Variants in ZFR2 observed in about 807,000 individuals in gnomAD.
ZFR2 encodes the protein zinc finger RNA-binding protein 2.
A neutral mutation model predicts 105.7 loss-of-function variants in ZFR2; 104 were observed. The ratio of observed to expected loss-of-function variants is 0.98; its 90% CI spans 0.84 to 1.16. The LOEUF is 1.16. ZFR2 is among the 50% of genes most tolerant of loss of function. ZFR2 has a pLI of 0.00. For synonymous variants in ZFR2, 634 were observed against 597.7 expected (o/e 1.06, Z -0.89); for missense variants, 1,425 against 1,355.5 (o/e 1.05, Z -0.80).
intron 6 of ZFR2, among the ~76,000 whole-genome samples, chr19:3,826,992 G>A (rs561856803): frequency 1.1e-3 from 162 of 152,034 alleles, no homozygotes; most frequent in Middle Eastern, 3.4e-3. Flanking sequence ...CTGTAATCCC[G>A]GCACTTTGGG....
In ZFR2 at chr19:3,813,362, G is replaced by T. The variant is rs1436242278; in HGVS notation, c.2242+458C>A. 6.6e-6 allele frequency among the ~76,000 whole-genome samples: 1 copy of T among 152,038 alleles called. No individual in the cohort carries two copies. The highest frequency in any genetic ancestry group is 1.5e-5 in the Non-Finnish European group (1 of 68,024). ...TCACCCACCCTCCCAGGCCTGGCAG[G>T]TCTGGCTTTAAGACCCCCGATTCCC... is the stretch of plus-strand genomic sequence containing the variant. On this transcript the variant is annotated intron_variant, in intron 14 of 18. Coordinates refer to ENST00000262961, the MANE Select transcript of ZFR2 (RefSeq NM_015174.2). This position sits in a 1 kb window ranked among gnomAD's most constrained non-coding sequence, Gnocchi z 4.4.
chr19:3,822,538 C>A (rs2055518700), intron 8 of ZFR2, among the ~76,000 whole-genome samples: 1 of 151,822 alleles, frequency 6.6e-6, no homozygotes. Flanking sequence ...AGACCCCCAT[C>A]TCTACAAAAA....
At chr19:3,864,282 G>T (rs140554408) in intron 1 of ZFR2, among the ~76,000 whole-genome samples, 90 of 152,232 alleles carry the variant, frequency 5.9e-4, no homozygotes, top group Non-Finnish European at 9.4e-4. Flanking sequence ...GGAAGCTGAG[G>T]GGGGAAGACT....
intron 1 of ZFR2, among the ~76,000 whole-genome samples, chr19:3,849,216 C>G (rs775480413): frequency 5.3e-5 from 8 of 152,196 alleles, no homozygotes; most frequent in Admixed American, 1.3e-4. Flanking sequence ...GAAGGCTGAG[C>G]AGAGTCCTTC....
intron 13 of ZFR2, among the ~76,000 whole-genome samples, chr19:3,815,160 G>C (rs554116181): frequency 1.1e-4 from 17 of 152,226 alleles, no homozygotes; most frequent in African/African-American, 4.1e-4. Context: ...CACTATCTCT[G>C]CTCACTGCAA....
intron 1 of ZFR2, among the ~76,000 whole-genome samples, chr19:3,843,849 A>G (rs1389548020): frequency 1.3e-5 from 2 of 151,166 alleles, no homozygotes; most frequent in Non-Finnish European, 3.0e-5. Context: ...AACAAAAAAG[A>G]AAGAAAGAAA....
chr19:3,821,186 C>T (rs765590359), intron 10 of ZFR2, among the ~76,000 whole-genome samples, 154 bp downstream of exon 10: 3 of 152,146 alleles, frequency 2.0e-5, no homozygotes, highest in Non-Finnish European at 4.4e-5. Context: ...CGCTCCCACA[C>T]CAGGACGTGC....
intron 1 of ZFR2, among the ~76,000 whole-genome samples, chr19:3,844,015 G>GGC (rs1555757834): frequency 7.8e-6 from 1 of 128,868 alleles, no homozygotes; most frequent in Non-Finnish European, 1.6e-5. Flanking sequence ...GTAGGATGTG[G>GGC]GGGGGGGGGT....
chr19:3,811,714 C>T (rs1696846480), intron 14 of ZFR2, among the ~76,000 whole-genome samples: 2 of 151,942 alleles, frequency 1.3e-5, no homozygotes, highest in Admixed American at 1.3e-4. Flanking sequence ...CTCAGCCTCC[C>T]AAAGTGCTGG....
rs372903783 is a variant in ZFR2 at position 3,831,748 on chromosome 19, C to T, written c.510G>A (p.Thr170=). ...STLSSGYTYP[T]ATGVQPESSA... ...ACGACTCGGGCTGGACGCCTGTCGC[C>T]GTGGGGTAGGTGTATCCCGAGGACA... The change falls in exon 4 of 19, where the codon ACG becomes ACA. Residue 170 remains threonine, a synonymous_variant. Transcript: ENST00000262961. 43 of 1,607,324 alleles carry T rather than the reference C, an allele frequency of 2.7e-5. No individual in the cohort carries two copies. The highest frequency in any genetic ancestry group is 3.1e-5 in the Non-Finnish European group (36 of 1,177,272).
At chr19:3,806,431 T>G (rs902051186) in intron 18 of ZFR2, among the ~76,000 whole-genome samples, 3 of 152,138 alleles carry the variant, frequency 2.0e-5, no homozygotes, top group Admixed American at 2.0e-4. Flanking sequence ...CCCAGCTAAT[T>G]TTGTATTTTT....
intron 14 of ZFR2, among the ~76,000 whole-genome samples, chr19:3,812,565 C>T (rs1197759816): frequency 6.6e-6 from 1 of 152,066 alleles, no homozygotes. Flanking sequence ...CAGGAAAGAG[C>T]CACTGTCTAG....
rs573934209 is a variant in ZFR2 at position 3,818,636 on chromosome 19, C to G, written c.1931+409G>C. 2.0e-5 allele frequency among the ~76,000 whole-genome samples: 3 copies of G among 152,304 alleles called. No homozygotes were observed. In the South Asian group the frequency reaches 6.2e-4, roughly 32 times the overall value. On this transcript the variant is annotated intron_variant, in intron 12 of 18. Transcript: ENST00000262961. ...GAATCACAGGGGTTGGGAGCTGATTCACACGGGCACTCAGTGACATGAACT... is the reference window on the plus strand; with the variant it reads ...GAATCACAGGGGTTGGGAGCTGATTGACACGGGCACTCAGTGACATGAACT...
At chr19:3,855,232 A>G (rs1201688458) in intron 1 of ZFR2, among the ~76,000 whole-genome samples, 1 of 152,048 alleles carries the variant, frequency 6.6e-6, no homozygotes, top group African/African-American at 2.4e-5. Flanking sequence ...TTTTACTTCT[A>G]CTTTAAATCC....
chr19:3,812,671 T>C (rs966790031), intron 14 of ZFR2, among the ~76,000 whole-genome samples: 1 of 152,134 alleles, frequency 6.6e-6, no homozygotes, highest in African/African-American at 2.4e-5. Context: ...AAAGCCACTC[T>C]CTTCCCCACA....
At chr19:3,831,900 T>C (rs769139739) in intron 3 of ZFR2, 22 bp from the exon 4 acceptor site, 1 of 1,513,906 alleles carries the variant, frequency 6.6e-7, no homozygotes, top group South Asian at 1.3e-5. Context: ...GGACAGGCCC[T>C]CTGCAGAGCC....
rs920353644 is a variant in ZFR2 at position 3,827,543 on chromosome 19, G to T, written c.963C>A (p.Cys321Ter). 5 of 1,561,670 alleles carry T rather than the reference G, an allele frequency of 3.2e-6. No individual in the cohort carries two copies. The African/African-American group carries it at 6.8e-5, about 21-fold the overall frequency. The change falls in exon 6 of 19, where the codon TGC (cysteine) becomes TGA (stop). Residue 321 changes from cysteine to a stop codon, truncating the protein, a stop_gained. Transcript: ENST00000262961. LOFTEE classifies it high-confidence loss of function. ...SPRGVQAQLH[C>*]DLCAVSCTGA... Reference sequence around the variant, plus strand: ...CGGTGCAGGACACGGCGCACAGGTCGCAATGCAGCTGCGCCTGCACCCCGC... The same window carrying T: ...CGGTGCAGGACACGGCGCACAGGTCTCAATGCAGCTGCGCCTGCACCCCGC...
At chr19:3,816,528 G>C (rs1387694893) in intron 13 of ZFR2, 146 bp downstream of exon 13, 4 of 1,282,276 alleles carry the variant, frequency 3.1e-6, no homozygotes, top group Non-Finnish European at 4.1e-6. Flanking sequence ...TTACGGACGT[G>C]AGCCACTGCG....
In ZFR2 at chr19:3,858,390, C is replaced by G. The variant is rs2038332790; in HGVS notation, c.53+10575G>C. Among the ~76,000 whole-genome samples, 2 of 152,182 alleles carry G rather than the reference C, an allele frequency of 1.3e-5. No individual in the cohort carries two copies. The highest frequency in any genetic ancestry group is 1.3e-4 in the Admixed American group (2 of 15,270). ...GCATATAATGCTAATTTCTGCTGAA[C>G]ACTGCATTGAATAACTCAATGGGAA... is the stretch of plus-strand genomic sequence containing the variant. On this transcript the variant is annotated intron_variant, in intron 1 of 18. Coordinates refer to ENST00000262961, the MANE Select transcript of ZFR2 (RefSeq NM_015174.2). This position sits in a 1 kb window ranked among gnomAD's most constrained non-coding sequence, Gnocchi z 4.3.
Sources: gnomAD v4.1 joint callset for allele counts (sites outside exome capture counted in the v4.1 genomes callset) on GRCh38, gnomAD v4.1.1 for gene constraint, Gnocchi (gnomAD v3.1) non-coding constraint, MANE v1.5 for transcripts, NCBI Gene and HGNC (gene_info 2026-07-23, HGNC 2026-07-21) for gene names.